NTRK3: variants seen among roughly 807,000 people sequenced by gnomAD.
NTRK3 encodes the protein NT-3 growth factor receptor.
In NTRK3, 24 loss-of-function variants were observed where a neutral mutation model predicts 91.7. The ratio of observed to expected loss-of-function variants is 0.26; its 90% CI spans 0.19 to 0.37. The LOEUF is 0.37. NTRK3 is among the 10% of genes least tolerant of loss of function. The pLI is 1.00. For synonymous variants in NTRK3, 483 were observed against 404.0 expected (o/e 1.20, Z -2.34); for missense variants, 880 against 1,068.9 (o/e 0.82, Z 2.46).
At chr15:87,860,922 G>A (rs770864857) in exon 19 of NTRK3, 11 of 222,042 alleles carry the variant, frequency 5.0e-5, no homozygotes, top group Admixed American at 1.7e-4. Context: ...TGTGGTCAAC[G>A]TCTCCACCCA....
At chr15:87,998,850 C>T (rs1251132416) in intron 14 of NTRK3, among the ~76,000 whole-genome samples, 6 of 152,122 alleles carry the variant, frequency 3.9e-5, no homozygotes, top group Non-Finnish European at 8.8e-5. Context: ...TACTGCCTCA[C>T]ATGATGAAGT....
At chr15:87,990,769 T>C (rs1468034950) in intron 14 of NTRK3, among the ~76,000 whole-genome samples, 1 of 152,204 alleles carries the variant, frequency 6.6e-6, no homozygotes, top group African/African-American at 2.4e-5. Flanking sequence ...TTTATCTCTA[T>C]CTTTGGGTAT....
intron 17 of NTRK3, among the ~76,000 whole-genome samples, chr15:87,891,668 T>C (rs2065863307): frequency 6.6e-6 from 1 of 152,222 alleles, no homozygotes; most frequent in Admixed American, 6.5e-5. Flanking sequence ...AGTTCACTCA[T>C]TCTTTTTATA....
chr15:88,159,987 C>T (rs1395151389), intron 5 of NTRK3, among the ~76,000 whole-genome samples: 1 of 149,660 alleles, frequency 6.7e-6, no homozygotes, highest in East Asian at 2.0e-4. Flanking sequence ...CACACACACA[C>T]ACACACATTG....
chr15:87,961,914 G>A (rs1448912344), intron 14 of NTRK3, among the ~76,000 whole-genome samples: 1 of 152,238 alleles, frequency 6.6e-6, no homozygotes, highest in Admixed American at 6.5e-5. Flanking sequence ...GCTTCCAGGA[G>A]CATACCAGAG....
chr15:88,098,028 G>A (rs2049799735), intron 13 of NTRK3, among the ~76,000 whole-genome samples: 1 of 152,212 alleles, frequency 6.6e-6, no homozygotes, highest in Admixed American at 6.5e-5. Flanking sequence ...TTATTCTACA[G>A]TGTCCTTCCA....
chr15:88,001,290 C>T (rs1219689186), intron 14 of NTRK3, among the ~76,000 whole-genome samples: 1 of 152,064 alleles, frequency 6.6e-6, no homozygotes, highest in Non-Finnish European at 1.5e-5. Flanking sequence ...AGTGGGTTGC[C>T]TCTTCATTTT....
intron 12 of NTRK3, 52 bp from the exon 13 acceptor site, chr15:88,126,425 T>G (rs766101177): frequency 2.4e-6 from 3 of 1,268,830 alleles, no homozygotes; most frequent in Non-Finnish European, 3.4e-6. Flanking sequence ...AAACCCAATT[T>G]CCTTGAAAAT....
At chr15:88,128,106 C>A (rs1261991256) in intron 11 of NTRK3, among the ~76,000 whole-genome samples, 1 of 152,166 alleles carries the variant, frequency 6.6e-6, no homozygotes, top group Non-Finnish European at 1.5e-5. Flanking sequence ...ATTCCCACCT[C>A]CCATGGAGAA....
At chr15:88,116,846 C>G (rs2052142662) in intron 13 of NTRK3, among the ~76,000 whole-genome samples, 1 of 152,234 alleles carries the variant, frequency 6.6e-6, no homozygotes, top group Admixed American at 6.5e-5. Context: ...CATTCAGGAT[C>G]ACTCAGAGAA....
intron 14 of NTRK3, among the ~76,000 whole-genome samples, chr15:87,946,717 G>C (rs973625911): frequency 6.6e-6 from 1 of 151,878 alleles, no homozygotes; most frequent in Non-Finnish European, 1.5e-5. Context: ...TCTTTCCCTT[G>C]TGGATTCCAT....
exon 19 of NTRK3, chr15:87,872,924 T>C (rs1040221442): frequency 6.9e-5 from 16 of 233,052 alleles, no homozygotes. Context: ...TAAGCTGATT[T>C]GGCCAAGGCC....
chr15:87,997,690 C>A (rs554441662), intron 14 of NTRK3, among the ~76,000 whole-genome samples: 3 of 152,036 alleles, frequency 2.0e-5, no homozygotes, highest in African/African-American at 7.2e-5. Context: ...TTCTTTGATT[C>A]CTAGGGAAAA....
intron 14 of NTRK3, among the ~76,000 whole-genome samples, chr15:87,995,062 A>T (rs577959951): frequency 1.3e-5 from 2 of 152,360 alleles, no homozygotes; most frequent in East Asian, 3.9e-4. Flanking sequence ...CAATTTCCAA[A>T]TGTTGAATTC....
In NTRK3 at chr15:88,084,643, C is replaced by T. The variant is rs181298994; in HGVS notation, c.1396+41628G>A. On this transcript the variant is annotated intron_variant, in intron 13 of 18. Coordinates refer to ENST00000394480, the Ensembl canonical transcript of NTRK3. ...ACTGCTCCAGCCTCACGTCTCCTTT[C>T]CCCCAACCCTCTCACCTTGTGAGTC... Among the ~76,000 whole-genome samples the T allele has an allele frequency of 2.9e-3, 439 of 152,322 alleles. 11 individuals are homozygous for T. The highest frequency in any genetic ancestry group is 5.7e-4 in the Non-Finnish European group (39 of 68,030).
At chr15:88,178,479 C>T (rs968020101) in intron 5 of NTRK3, among the ~76,000 whole-genome samples, 1 of 152,166 alleles carries the variant, frequency 6.6e-6, no homozygotes, top group Admixed American at 6.5e-5. Context: ...CAAATCAGGA[C>T]ATTCTCCATC....
intron 17 of NTRK3, among the ~76,000 whole-genome samples, chr15:87,924,373 G>A (rs185945531): frequency 3.9e-4 from 60 of 152,134 alleles, no homozygotes; most frequent in African/African-American, 1.3e-3. Context: ...TGTCTTTCTA[G>A]GAGTTTCTGG....
chr15:87,956,745 A>AT (rs1008945501), intron 14 of NTRK3, among the ~76,000 whole-genome samples: 3 of 125,096 alleles, frequency 2.4e-5, no homozygotes, highest in African/African-American at 9.1e-5. Flanking sequence ...TAATTTTTGT[A>AT]TTTTTTAGTA....
chr15:88,102,410 CAT>C (rs1353436593), intron 13 of NTRK3, among the ~76,000 whole-genome samples: 2 of 152,068 alleles, frequency 1.3e-5, no homozygotes, highest in Non-Finnish European at 2.9e-5. Context: ...TGTGCAAAAA[CAT>C]AGAAGGAATA....
Sources: gnomAD v4.1 joint callset for allele counts (sites outside exome capture counted in the v4.1 genomes callset) on GRCh38, gnomAD v4.1.1 for gene constraint, MANE v1.5 for transcripts, NCBI Gene and HGNC (gene_info 2026-07-23, HGNC 2026-07-21) for gene names.